Variants in LONP1 observed in about 807,000 individuals in gnomAD.
The protein encoded by LONP1 is lon protease homolog, mitochondrial.
A neutral mutation model predicts 98.5 loss-of-function variants in LONP1; 31 were observed. The ratio of observed to expected loss-of-function variants is 0.31; its 90% CI spans 0.24 to 0.42. The LOEUF is 0.42. LONP1 is among the 20% of genes least tolerant of loss of function. The pLI is 1.00. For synonymous variants in LONP1, 781 were observed against 594.7 expected (o/e 1.31, Z -4.56); for missense variants, 1,336 against 1,350.6 (o/e 0.99, Z 0.17).
At chr19:5,692,377 G>A in intron 17 of LONP1, 169 bp from the exon 18 acceptor site, 1 of 594,560 alleles carries the variant, frequency 1.7e-6, no homozygotes. Flanking sequence ...CGGGGAAACA[G>A]GCTCAAGGCA....
At chr19:5,706,947 G>A (rs2055155079) in intron 7 of LONP1, 113 bp downstream of exon 7, 1 of 837,994 alleles carries the variant, frequency 1.2e-6, no homozygotes, top group Non-Finnish European at 1.9e-6. Context: ...AGGCCTTCTT[G>A]GCTTGCCCTG....
intron 8 of LONP1, among the ~76,000 whole-genome samples, chr19:5,704,922 AG>A (rs2055118997): frequency 6.6e-6 from 1 of 151,794 alleles, no homozygotes; most frequent in Non-Finnish European, 1.5e-5. Context: ...GCACTTTGGG[AG>A]GGCAAGGTGG....
intron 8 of LONP1, among the ~76,000 whole-genome samples, chr19:5,701,291 A>AAAAAT (rs1259998309): frequency 1.3e-5 from 2 of 151,970 alleles, no homozygotes; most frequent in African/African-American, 4.8e-5. Flanking sequence ...TAAAAATACA[A>AAAAAT]AAAATGCTTC....
chr19:5,705,062 T>C (rs909359625), intron 8 of LONP1, among the ~76,000 whole-genome samples: 2 of 151,954 alleles, frequency 1.3e-5, no homozygotes, highest in African/African-American at 4.8e-5. Context: ...CTCAGGAAGT[T>C]GAGGCAGTAG....
At position 5,692,107 on chromosome 19, in the gene LONP1, G is replaced by A. The variant is rs577998159; in HGVS notation, c.2805C>T (p.Phe935=). Residue 935 remains phenylalanine (F), a synonymous_variant, in exon 18 of 18, where the codon TTC becomes TTT. Transcript: ENST00000360614. ...CGAAGATCTCCCGGTAGTGTTCCAC[G>A]AAGTGCACCTCCAGGCCCTCGGTGA... is the stretch of plus-strand genomic sequence containing the variant. ...AFITEGLEVH[F]VEHYREIFDI... 7 of 1,604,794 alleles carry A rather than the reference G, an allele frequency of 4.4e-6. No homozygotes were observed. The African/African-American group carries it at 5.4e-5, about 12-fold the overall frequency.
rs1369799554 is a variant in LONP1, at chr19:5,719,835, T to TGCCCCCCGCGCC, written c.286_297dup (p.Gly96_Gly99dup). The TGCCCCCCGCGCC allele has an allele frequency of 6.2e-7, 1 of 1,608,938 alleles. No individual in the cohort carries two copies. The highest frequency in any genetic ancestry group is 8.5e-7 in the Non-Finnish European group (1 of 1,178,412). On this transcript the variant is annotated inframe_insertion, in exon 1 of 18. Coordinates refer to ENST00000360614, the MANE Select transcript of LONP1 (RefSeq NM_004793.4). ...ACCGGGCCTTCCCCGGCGCCCGCGC[T>TGCCCCCCGCGCC]GCCCCCCGCGCCGCCGGCTCCTTCC...
chr19:5,695,645 T>C (rs1390133011), intron 13 of LONP1, among the ~76,000 whole-genome samples: 1 of 151,482 alleles, frequency 6.6e-6, no homozygotes, highest in Non-Finnish European at 1.5e-5. Flanking sequence ...ACATGAGAAA[T>C]ATGGGCCCCT....
intron 4 of LONP1, chr19:5,708,692 CTG>C (rs945148365): frequency 3.8e-5 from 14 of 368,870 alleles, no homozygotes; most frequent in Admixed American, 8.3e-5. Context: ...AAAAAAGAGA[CTG>C]TGTTTTCTTT....
rs777235917 is a variant in LONP1 at position 5,711,948 on chromosome 19, G to C, written c.693C>G (p.Asn231Lys). The C allele has an allele frequency of 6.2e-7, 1 of 1,613,210 alleles. No individual in the cohort carries two copies. Among genetic ancestry groups the C allele is most frequent in the African/African-American group, 1.3e-5 (1 of 75,036 alleles). The part of the protein sequence containing the change: ...EVEPEEPEAE[N>K]KHKPRRKSKR... ...TTGACTTCCTGCGGGGCTTGTGCTT[G>C]TTCTCCGCCTCCGGCTCCTCGGGCT... is the stretch of plus-strand genomic sequence containing the variant. The change falls in exon 4 of 18, where the codon AAC becomes AAG. Residue 231 changes from asparagine (N) to lysine (K), a missense_variant. Asn to Lys is a moderately conservative substitution (Grantham distance 94, BLOSUM62 0). Around this residue, in one of 5 missense-constraint regions of LONP1, gnomAD observed 457 missense variants for 403.1 expected, o/e 1.13. Coordinates refer to ENST00000360614, the MANE Select transcript of LONP1 (RefSeq NM_004793.4).
intron 9 of LONP1, 34 bp from the exon 10 acceptor site, chr19:5,699,239 G>A: frequency 6.8e-7 from 1 of 1,463,428 alleles, no homozygotes; most frequent in Non-Finnish European, 9.1e-7. Context: ...GGGCACGTGA[G>A]CTGGGGAAGC....
At chr19:5,720,208 T>C (rs990336445), upstream of LONP1, 14 of 1,384,328 alleles carry the variant, frequency 1.0e-5, no homozygotes, top group Admixed American at 3.2e-4. Flanking sequence ...GCCCGGCGCG[T>C]GCCTCGGTAC....
At chr19:5,695,275 G>T (rs1599446535) in intron 13 of LONP1, among the ~76,000 whole-genome samples, 1 of 152,232 alleles carries the variant, frequency 6.6e-6, no homozygotes, top group East Asian at 1.9e-4. Context: ...TGGGTCAGGG[G>T]CTCCAGGGTC....
At chr19:5,709,231 G>A (rs1599472270) in intron 4 of LONP1, among the ~76,000 whole-genome samples, 1 of 151,720 alleles carries the variant, frequency 6.6e-6, no homozygotes, top group Non-Finnish European at 1.5e-5. Flanking sequence ...GCTCACACCT[G>A]TAACACCAAC....
At chr19:5,695,026 T>C in intron 13 of LONP1, 125 bp from the exon 14 acceptor site, 1 of 1,170,112 alleles carries the variant, frequency 8.5e-7, no homozygotes, top group South Asian at 1.6e-5. Context: ...TCCCTGATGG[T>C]GAAACCAGGG....
intron 1 of LONP1, among the ~76,000 whole-genome samples, chr19:5,716,259 CAT>C (rs3082272): frequency 0.03 from 2,319 of 76,756 alleles, 41 homozygotes; most frequent in East Asian, 0.12. Context: ...TTAAAATATA[CAT>C]ATATATATAT....
chr19:5,715,563 A>C (rs2055303044), intron 1 of LONP1, among the ~76,000 whole-genome samples: 2 of 137,342 alleles, frequency 1.5e-5, no homozygotes. Flanking sequence ...AATGGCGTGA[A>C]CCCGGGAGGC....
At chr19:5,711,281 C>T (rs1054485932) in intron 4 of LONP1, among the ~76,000 whole-genome samples, 2 of 152,202 alleles carry the variant, frequency 1.3e-5, no homozygotes, top group Non-Finnish European at 2.9e-5. Context: ...GTCCCTACAG[C>T]GGGAGGGCAG....
In LONP1 at chr19:5,693,370, C is replaced by T; in HGVS notation, c.2631G>A (p.Leu877=). The change falls in exon 17 of 18, where the codon CTG becomes CTA. Residue 877 remains leucine (L), a synonymous_variant. Coordinates refer to ENST00000360614, the MANE Select transcript of LONP1 (RefSeq NM_004793.4). ...TGAGGGAGACTTCGCCAGTCATGGC[C>T]AGATTCTGCCGGACAGGCCTGCCCA... ...LAMGRPVRQN[L]AMTGEVSLTG... The T allele has an allele frequency of 1.2e-6, 2 of 1,613,530 alleles. No individual in the cohort carries two copies.
At position 5,714,121 on chromosome 19, in the gene LONP1, C is replaced by T; in HGVS notation, c.518+62G>A. ...CAAAGGTGCAAAGTACAGAGTAGGA[C>T]TTGTGGTGAGCTGGACTCTAGGGCA... is the stretch of plus-strand genomic sequence containing the variant. On this transcript the variant is annotated intron_variant, in intron 2 of 17. Coordinates refer to ENST00000360614, the MANE Select transcript of LONP1 (RefSeq NM_004793.4). 5 of 1,315,742 alleles carry T rather than the reference C, an allele frequency of 3.8e-6. No homozygotes were observed. In the South Asian group the frequency reaches 6.2e-5, roughly 16 times the overall value. 81.5% of individuals were successfully genotyped at this position (1,315,742 alleles called of 1,614,324 possible).
Sources: allele counts gnomAD v4.1 joint callset (sites outside exome capture counted in the v4.1 genomes callset), GRCh38; gene constraint gnomAD v4.1.1; regional missense constraint gnomAD v4.1.1; transcripts MANE v1.5; gene names NCBI Gene and HGNC (gene_info 2026-07-23, HGNC 2026-07-21).